LRBA: variants seen among roughly 807,000 people sequenced by gnomAD.
LRBA encodes lipopolysaccharide-responsive and beige-like anchor protein.
In LRBA, 176 loss-of-function variants were observed where a neutral mutation model predicts 330.0. The observed-to-expected ratio is 0.53, with a 90% CI of 0.47 to 0.60. The LOEUF is 0.60. Ranked by LOEUF, LRBA falls within the 20% of genes least tolerant of loss-of-function variation. The pLI is 0.00. For missense variants in LRBA, 3,259 were observed against 3,444.8 expected (o/e 0.95, Z 1.35); for synonymous variants, 1,230 against 1,193.0 (o/e 1.03, Z -0.64).
chr4:150,981,113 TAAA>T (rs753664464), intron 2 of LRBA, among the ~76,000 whole-genome samples: 2 of 140,544 alleles, frequency 1.4e-5, no homozygotes, highest in Non-Finnish European at 3.1e-5. Flanking sequence ...TCAGAGAAAT[TAAA>T]AAAAAAAAAA....
chr4:150,345,319 A>G (rs940415875), intron 48 of LRBA, among the ~76,000 whole-genome samples: 1 of 152,222 alleles, frequency 6.6e-6, no homozygotes. Flanking sequence ...GAAAAAATGA[A>G]TAAATTAATG....
chr4:150,720,356 A>G (rs1728769914), intron 36 of LRBA, among the ~76,000 whole-genome samples: 1 of 152,136 alleles, frequency 6.6e-6, no homozygotes, highest in Admixed American at 6.6e-5. Flanking sequence ...ATTTTTTCTA[A>G]TGAACAACAT....
intron 22 of LRBA, among the ~76,000 whole-genome samples, chr4:150,866,814 C>T (rs987200345): frequency 6.6e-6 from 1 of 151,880 alleles, no homozygotes; most frequent in Non-Finnish European, 1.5e-5. Flanking sequence ...CAGTAATAAG[C>T]ACAAACAGTA....
chr4:150,624,904 A>C (rs1324352931), intron 37 of LRBA, among the ~76,000 whole-genome samples: 1 of 152,202 alleles, frequency 6.6e-6, no homozygotes, highest in Non-Finnish European at 1.5e-5. Flanking sequence ...CAAAGAATAC[A>C]ATAATAATTC....
At chr4:150,614,767 T>A (rs377357029) in intron 37 of LRBA, among the ~76,000 whole-genome samples, 3 of 152,208 alleles carry the variant, frequency 2.0e-5, no homozygotes, top group Non-Finnish European at 2.9e-5. Flanking sequence ...AGGACATACA[T>A]GTAATCTACT....
intron 37 of LRBA, among the ~76,000 whole-genome samples, chr4:150,641,611 T>C (rs1352353154): frequency 6.6e-6 from 1 of 152,114 alleles, no homozygotes; most frequent in African/African-American, 2.4e-5. Context: ...AGCAAAAAGA[T>C]TAAAAACATT....
At chr4:150,440,471 T>C (rs1751676895) in intron 44 of LRBA, among the ~76,000 whole-genome samples, 2 of 152,064 alleles carry the variant, frequency 1.3e-5, no homozygotes, top group African/African-American at 4.8e-5. Flanking sequence ...AACAACAAAA[T>C]ATTATGTTAA....
chr4:150,575,008 A>G (rs1192990583), intron 40 of LRBA, among the ~76,000 whole-genome samples: 1 of 152,030 alleles, frequency 6.6e-6, no homozygotes, highest in Non-Finnish European at 1.5e-5. Context: ...CCTCGATTTT[A>G]AACCTAATTA....
chr4:150,685,404 ATATATATATATATATAT>A (rs1297970386), intron 36 of LRBA, among the ~76,000 whole-genome samples: 1 of 14,550 alleles, frequency 6.9e-5, no homozygotes, highest in African/African-American at 2.5e-4. Flanking sequence ...ATATATATAT[ATATATATATATATATAT>A]TTTTTTTTTT....
At chr4:150,758,572 CTTTT>C (rs35416240) in intron 35 of LRBA, among the ~76,000 whole-genome samples, 5 of 117,018 alleles carry the variant, frequency 4.3e-5, no homozygotes, top group Non-Finnish European at 7.6e-5. Flanking sequence ...ATCTCTTTGT[CTTTT>C]TTTTTTTTTT....
intron 38 of LRBA, among the ~76,000 whole-genome samples, chr4:150,598,080 T>C (rs4435730): frequency 0.73 from 110,699 of 152,086 alleles, 45,936 homozygotes; most frequent in Non-Finnish European, 0.91. Context: ...AATATCCTTA[T>C]TGAATATAAA....
chr4:150,633,112 T>A (rs1460996699), intron 37 of LRBA, among the ~76,000 whole-genome samples: 1 of 152,214 alleles, frequency 6.6e-6, no homozygotes, highest in South Asian at 2.1e-4. Context: ...GTTAAGAACA[T>A]GAAATCAAAC....
chr4:150,497,377 C>T (rs1268681937), intron 40 of LRBA, among the ~76,000 whole-genome samples: 1 of 152,054 alleles, frequency 6.6e-6, no homozygotes, highest in Non-Finnish European at 1.5e-5. Flanking sequence ...GACACACAGT[C>T]GACTCTGGTG....
chr4:150,489,729 T>C (rs1561252676), intron 41 of LRBA, among the ~76,000 whole-genome samples: 3 of 133,254 alleles, frequency 2.3e-5, no homozygotes, highest in Non-Finnish European at 3.1e-5. Flanking sequence ...ATATATAATA[T>C]ATAATAATTA....
At chr4:150,490,826 T>G in intron 41 of LRBA, 92 bp downstream of exon 41, 2 of 613,968 alleles carry the variant, frequency 3.3e-6, no homozygotes, top group Non-Finnish European at 5.5e-6. Context: ...TACAAATAAC[T>G]ATCTAAATTG....
chr4:150,854,724 G>C (rs970623027), intron 22 of LRBA, among the ~76,000 whole-genome samples: 9 of 152,260 alleles, frequency 5.9e-5, no homozygotes, highest in African/African-American at 2.2e-4. Context: ...CATGTAAAAA[G>C]AAAAGAGTTT....
At chr4:150,874,594 C>A (rs557695701) in intron 17 of LRBA, among the ~76,000 whole-genome samples, 1 of 152,292 alleles carries the variant, frequency 6.6e-6, no homozygotes, top group South Asian at 2.1e-4. Flanking sequence ...AGCTTGGTGA[C>A]CTGGAACCAG....
intron 35 of LRBA, among the ~76,000 whole-genome samples, chr4:150,735,681 G>A (rs1211255723): frequency 6.6e-6 from 1 of 152,176 alleles, no homozygotes; most frequent in Non-Finnish European, 1.5e-5. Context: ...AACCAGTGAA[G>A]ATCACAGAGA....
chr4:150,874,294 T>TGGGAAAGAGGTATGGAGATACTGTGA lies in LRBA; in HGVS notation c.2166-1565_2166-1540dup, dbSNP rs1753765811. On this transcript the variant is annotated intron_variant, in intron 17 of 56. Transcript: ENST00000651943. ...GTTTCTCCCAAGACCTGGAGCTAAC[T>TGGGAAAGAGGTATGGAGATACTGTGA]GGGAAAGAGGTATGGAGATACTGTG... Among the ~76,000 whole-genome samples, 3 of 152,042 alleles carry TGGGAAAGAGGTATGGAGATACTGTGA rather than the reference T, an allele frequency of 2.0e-5. 1 individual carries two copies. The South Asian group carries it at 6.2e-4, about 32-fold the overall frequency.
Sources: gnomAD v4.1 joint callset for allele counts (sites outside exome capture counted in the v4.1 genomes callset) on GRCh38, gnomAD v4.1.1 for gene constraint, MANE v1.5 for transcripts, NCBI Gene and HGNC (gene_info 2026-07-23, HGNC 2026-07-21) for gene names.